PLD1: variants seen among roughly 807,000 people sequenced by gnomAD.
The protein encoded by PLD1 is choline phosphatase 1.
PLD1 carries 112 observed loss-of-function variants against 137.1 expected under a neutral mutation model. That is an observed-to-expected ratio of 0.82 (90% CI 0.70 to 0.96). PLD1 has a LOEUF of 0.96. Among genes scored for constraint, PLD1 ranks in the 40% least tolerant of loss-of-function variants. The pLI is 0.00. For synonymous variants in PLD1, 431 were observed against 454.7 expected (o/e 0.95, Z 0.66); for missense variants, 1,321 against 1,342.0 (o/e 0.98, Z 0.24).
In PLD1 at chr3:171,790,464, C is replaced by G. The variant is rs952125601; in HGVS notation, c.-32+19935G>C. Among the ~76,000 whole-genome samples the G allele has an allele frequency of 5.3e-5, 8 of 152,346 alleles. 1 individual carries two copies. In the South Asian group the frequency reaches 1.4e-3, roughly 28 times the overall value. ...CACCCAGAAAGACACTAAAGAATCT[C>G]ACTCTTGTACTAGCTCTCTCCCAAT... On this transcript the variant is annotated intron_variant, in intron 1 of 26. Transcript: ENST00000351298.
At chr3:171,624,915 G>C (rs1733952109) in intron 23 of PLD1, among the ~76,000 whole-genome samples, 1 of 152,158 alleles carries the variant, frequency 6.6e-6, no homozygotes, top group Non-Finnish European at 1.5e-5. Flanking sequence ...GTTACCAATA[G>C]GGGATGGATA....
intron 6 of PLD1, among the ~76,000 whole-genome samples, chr3:171,727,730 C>A (rs976586022): frequency 2.6e-5 from 4 of 151,876 alleles, no homozygotes; most frequent in Admixed American, 2.6e-4. Flanking sequence ...ATCACAGAGG[C>A]AGGGGCATTT....
intron 24 of PLD1, among the ~76,000 whole-genome samples, chr3:171,617,739 G>A (rs2108285708): frequency 6.6e-6 from 1 of 152,264 alleles, no homozygotes; most frequent in South Asian, 2.1e-4. Context: ...GCACAAAAGA[G>A]ATCTTCAGTG....
At position 171,601,435 on chromosome 3, in the gene PLD1, G is replaced by A. The variant is rs149657723; in HGVS notation, c.*1643C>T. 1 of 152,072 alleles carries A rather than the reference G, an allele frequency of 6.6e-6. No individual in the cohort carries two copies. The highest frequency in any genetic ancestry group is 1.9e-4 in the East Asian group (1 of 5,180). 9.4% of individuals were successfully genotyped at this position (152,072 alleles called of 1,614,324 possible). ...TCAATAGCAAATTCTTATTTACAAT[G>A]GCTATAGAATGAAGTCATTTTACCA... On this transcript the variant is annotated 3_prime_UTR_variant, in exon 27 of 27. Coordinates refer to ENST00000351298, the MANE Select transcript of PLD1 (RefSeq NM_002662.5).
chr3:171,646,867 A>C (rs561651019), intron 21 of PLD1, among the ~76,000 whole-genome samples: 1 of 152,246 alleles, frequency 6.6e-6, no homozygotes, highest in East Asian at 1.9e-4. Flanking sequence ...ACAGGAGACT[A>C]CCACCCTTTG....
intron 1 of PLD1, among the ~76,000 whole-genome samples, chr3:171,752,929 A>G (rs985936843): frequency 6.6e-6 from 1 of 152,210 alleles, no homozygotes; most frequent in African/African-American, 2.4e-5. Flanking sequence ...CTAGGCATTC[A>G]TTTGGTCCAA....
At chr3:171,765,703 T>C (rs575211938) in intron 1 of PLD1, among the ~76,000 whole-genome samples, 47 of 152,348 alleles carry the variant, frequency 3.1e-4, no homozygotes, top group African/African-American at 1.1e-3. Context: ...TGAAGTCAGC[T>C]ACTCTAAGGT....
At chr3:171,676,407 C>T (rs563213777) in intron 18 of PLD1, among the ~76,000 whole-genome samples, 6 of 152,196 alleles carry the variant, frequency 3.9e-5, no homozygotes, top group South Asian at 2.1e-4. Context: ...AAATGACTAC[C>T]GAGCCCAGGC....
intron 11 of PLD1, among the ~76,000 whole-genome samples, chr3:171,703,733 A>T (rs1017240333): frequency 6.6e-6 from 1 of 152,224 alleles, no homozygotes; most frequent in Non-Finnish European, 1.5e-5. Flanking sequence ...GGTAAGTTTA[A>T]CATTTTTCTC....
chr3:171,745,875 C>T (rs1022602751), intron 1 of PLD1, among the ~76,000 whole-genome samples: 1 of 152,056 alleles, frequency 6.6e-6, no homozygotes, highest in Non-Finnish European at 1.5e-5. Context: ...CTTCTGCTTG[C>T]AGGGAGGTGT....
At chr3:171,780,102 A>G (rs891307634) in intron 1 of PLD1, among the ~76,000 whole-genome samples, 1 of 137,752 alleles carries the variant, frequency 7.3e-6, no homozygotes, top group Non-Finnish European at 1.5e-5. Flanking sequence ...GTTTATATAC[A>G]TAAGTCTGAG....
chr3:171,761,099 A>G (rs1385228456), intron 1 of PLD1, among the ~76,000 whole-genome samples: 9 of 152,224 alleles, frequency 5.9e-5, no homozygotes, highest in Admixed American at 5.9e-4. Context: ...GTATACATGT[A>G]TAGGCTGGCA....
chr3:171,641,853 T>G (rs957251642), intron 23 of PLD1, among the ~76,000 whole-genome samples: 6 of 152,180 alleles, frequency 3.9e-5, no homozygotes, highest in Non-Finnish European at 7.3e-5. Context: ...ATGAATTTGC[T>G]CCAGGGGCTC....
At chr3:171,724,583 A>T in intron 8 of PLD1, 113 bp downstream of exon 8, 1 of 647,272 alleles carries the variant, frequency 1.5e-6, no homozygotes. Flanking sequence ...ATAATTAAAA[A>T]TTTGTTCTGC....
intron 19 of PLD1, among the ~76,000 whole-genome samples, chr3:171,662,838 A>T (rs1010829753): frequency 1.3e-5 from 2 of 152,262 alleles, no homozygotes; most frequent in Non-Finnish European, 1.5e-5. Context: ...AATTAATCAC[A>T]GGAAAGAGAA....
At chr3:171,714,753 A>AT (rs936475682) in intron 8 of PLD1, among the ~76,000 whole-genome samples, 33 of 151,792 alleles carry the variant, frequency 2.2e-4, no homozygotes, top group East Asian at 7.7e-4. Context: ...CATTTCATTA[A>AT]TTTTTTTTTA....
chr3:171,654,300 CAAAA>C (rs35731319), intron 21 of PLD1: 510 of 113,532 alleles, frequency 4.5e-3, no homozygotes, highest in South Asian at 0.011. Context: ...AAGACTGTCT[CAAAA>C]AAAAAAAAAA....
rs566541557 is a variant in PLD1, at chr3:171,732,991, A to G, written c.606+453T>C. Among the ~76,000 whole-genome samples the G allele has an allele frequency of 3.3e-5, 5 of 152,340 alleles. No individual in the cohort carries two copies. In the South Asian group the frequency reaches 1.0e-3, roughly 32 times the overall value. The stretch of plus-strand genomic sequence containing the variant: ...GCTTCTCACTTTCACATGAAAAGAC[A>G]TGCCTTTAACAGGCATGACAAACCA... On this transcript the variant is annotated intron_variant, in intron 6 of 26. Transcript: ENST00000351298.
At chr3:171,628,446 G>C (rs144873747) in intron 23 of PLD1, among the ~76,000 whole-genome samples, 1 of 152,210 alleles carries the variant, frequency 6.6e-6, no homozygotes, top group Non-Finnish European at 1.5e-5. Flanking sequence ...GGAGGAACTG[G>C]TACCATTCCT....
Sources: allele counts gnomAD v4.1 joint callset (sites outside exome capture counted in the v4.1 genomes callset), GRCh38; gene constraint gnomAD v4.1.1; transcripts MANE v1.5; gene names NCBI Gene and HGNC (gene_info 2026-07-23, HGNC 2026-07-21).